The following GABRB1 variants were observed in gnomAD, a reference collection of about 807,000 sequenced individuals.
GABRB1 encodes the protein gamma-aminobutyric acid type A receptor subunit beta1, also known as gamma-aminobutyric acid receptor subunit beta-1.
A neutral mutation model predicts 51.6 loss-of-function variants in GABRB1; 17 were observed. The observed-to-expected ratio is 0.33, with a 90% CI of 0.23 to 0.49. The LOEUF is 0.49. Among genes scored for constraint, GABRB1 ranks in the 20% least tolerant of loss-of-function variants. GABRB1 has a pLI of 0.99. For missense variants in GABRB1, 410 were observed against 600.6 expected, an observed-to-expected ratio of 0.68 and a Z score of 3.32; for synonymous variants, 247 against 218.9, an observed-to-expected ratio of 1.13 and a Z score of -1.14.
chr4:47,167,953 T>C (rs1452985166), intron 4 of GABRB1, among the ~76,000 whole-genome samples: 2 of 152,164 alleles, frequency 1.3e-5, no homozygotes, highest in Non-Finnish European at 2.9e-5. Context: ...CAACACAAAA[T>C]GGACTAAGAT....
chr4:47,201,880 A>G (rs1442140658), intron 4 of GABRB1, among the ~76,000 whole-genome samples: 2 of 152,194 alleles, frequency 1.3e-5, no homozygotes, highest in African/African-American at 2.4e-5. Flanking sequence ...ATATAAGCAC[A>G]TGCTGCTTTG....
intron 1 of GABRB1, among the ~76,000 whole-genome samples, chr4:47,003,594 T>G (rs1284593811): frequency 1.3e-5 from 2 of 152,216 alleles, no homozygotes; most frequent in Non-Finnish European, 2.9e-5. Context: ...ACATTCAAGT[T>G]TCCCACTTCC....
At chr4:47,165,827 A>C (rs1253741686) in intron 4 of GABRB1, among the ~76,000 whole-genome samples, 1 of 152,076 alleles carries the variant, frequency 6.6e-6, no homozygotes, top group Non-Finnish European at 1.5e-5. Flanking sequence ...TGATTTTCTC[A>C]AAACTGGGCC....
intron 5 of GABRB1, among the ~76,000 whole-genome samples, chr4:47,342,277 A>T (rs992949616): frequency 1.3e-5 from 2 of 152,176 alleles, no homozygotes; most frequent in African/African-American, 4.8e-5. Flanking sequence ...AAAGGCAAGA[A>T]ATAAATAATT....
intron 1 of GABRB1, among the ~76,000 whole-genome samples, chr4:47,014,343 A>G (rs972625203): frequency 2.0e-5 from 3 of 152,120 alleles, no homozygotes; most frequent in Admixed American, 2.0e-4. Flanking sequence ...TGTCAATATA[A>G]ATTTTCAAAA....
intron 3 of GABRB1, among the ~76,000 whole-genome samples, chr4:47,054,080 G>T (rs1247126294): frequency 6.6e-5 from 10 of 151,204 alleles, no homozygotes; most frequent in Non-Finnish European, 8.8e-5. Flanking sequence ...CATTACCTGT[G>T]TAATATGATA....
intron 4 of GABRB1, among the ~76,000 whole-genome samples, chr4:47,198,999 TCCAATTACCTC>T (rs1328919899): frequency 6.6e-6 from 1 of 152,168 alleles, no homozygotes; most frequent in African/African-American, 2.4e-5. Flanking sequence ...ACCCCCATGA[TCCAATTACCTC>T]CCACCAGGCC....
chr4:47,064,657 A>G (rs1277830587), intron 3 of GABRB1, among the ~76,000 whole-genome samples: 7 of 151,654 alleles, frequency 4.6e-5, no homozygotes, highest in Middle Eastern at 6.8e-3. Context: ...AAAAAAAAAA[A>G]AAAAAAGAGA....
At chr4:47,371,143 TGTTCTCATC>T (rs1252754734) in intron 5 of GABRB1, among the ~76,000 whole-genome samples, 1 of 139,366 alleles carries the variant, frequency 7.2e-6, no homozygotes, top group Non-Finnish European at 1.5e-5. Context: ...TATGTCCATG[TGTTCTCATC>T]GTTCAGCTCC....
intron 4 of GABRB1, among the ~76,000 whole-genome samples, chr4:47,173,303 G>C (rs1425445457): frequency 6.6e-6 from 1 of 152,056 alleles, no homozygotes; most frequent in Non-Finnish European, 1.5e-5. Context: ...GGATTAATGA[G>C]CCCCTTAAGG....
intron 3 of GABRB1, among the ~76,000 whole-genome samples, chr4:47,110,525 G>C (rs1235990725): frequency 6.6e-6 from 1 of 152,078 alleles, no homozygotes; most frequent in African/African-American, 2.4e-5. Flanking sequence ...TAATCAAAAA[G>C]CTATTTTAAT....
rs547649161 is a variant in GABRB1, at chr4:47,364,622, TAAA to T, written c.545-38690_545-38688del. Among the ~76,000 whole-genome samples the T allele has an allele frequency of 6.9e-3, 1,028 of 149,604 alleles. 6 individuals carry two copies. The highest frequency in any genetic ancestry group is 0.012 in the Admixed American group (188 of 15,058). On this transcript the variant is annotated intron_variant, in intron 5 of 8. Coordinates refer to ENST00000295454, the MANE Select transcript of GABRB1 (RefSeq NM_000812.4). ...AAAGAAAAACTAAAACCAGTGAGACTAAAAAAAATTTAAACATGAAAGAAGGAT... is the reference window on the plus strand; with the variant it reads ...AAAGAAAAACTAAAACCAGTGAGACTAAAAATTTAAACATGAAAGAAGGAT...
At chr4:47,170,814 T>C (rs190151474) in intron 4 of GABRB1, among the ~76,000 whole-genome samples, 6 of 152,276 alleles carry the variant, frequency 3.9e-5, no homozygotes, top group Admixed American at 2.6e-4. Flanking sequence ...CTGGAGACTT[T>C]ACAATTCCCA....
intron 3 of GABRB1, among the ~76,000 whole-genome samples, chr4:47,077,533 A>G (rs1223996197): frequency 6.6e-6 from 1 of 152,092 alleles, no homozygotes; most frequent in Non-Finnish European, 1.5e-5. Flanking sequence ...AGAATGTACA[A>G]TCAGCAAGTT....
intron 3 of GABRB1, among the ~76,000 whole-genome samples, chr4:47,148,583 G>A (rs890348361): frequency 6.6e-6 from 1 of 151,960 alleles, no homozygotes; most frequent in Non-Finnish European, 1.5e-5. Context: ...AAATACTTTG[G>A]CAGACTTTTT....
intron 3 of GABRB1, among the ~76,000 whole-genome samples, chr4:47,150,753 T>C (rs1287442337): frequency 6.6e-6 from 1 of 151,236 alleles, no homozygotes; most frequent in Non-Finnish European, 1.5e-5. Flanking sequence ...GGAGGAGAGG[T>C]GATAAGCAAT....
Position 47,425,479 on chromosome 4 carries a change from A to ATGAT in GABRB1, c.1081-194_1081-191dup, listed in dbSNP as rs1424116720. Among the ~76,000 whole-genome samples, 238 of 78,170 alleles carry ATGAT rather than the reference A, an allele frequency of 3.0e-3. 1 individual carries two copies. The highest frequency in any genetic ancestry group is 0.01 in the African/African-American group (223 of 21,584). 51.3% of individuals were successfully genotyped at this position (78,170 alleles called of 152,430 possible). A position where few individuals can be genotyped will look rare whatever the true frequency, so the allele number is the denominator to read the frequency against. On this transcript the variant is annotated intron_variant, in intron 8 of 8. Transcript: ENST00000295454. ...AAGCTAGCAAGGTGGATGGATGATG[A>ATGAT]TGATAGATAGATAGATAGATAGATA...
At chr4:47,297,554 C>G (rs1724054972) in intron 4 of GABRB1, among the ~76,000 whole-genome samples, 1 of 152,120 alleles carries the variant, frequency 6.6e-6, no homozygotes, top group Non-Finnish European at 1.5e-5. Context: ...CAAGACTAAA[C>G]CAGGAAGAGG....
chr4:47,061,733 T>TG (rs1037533467), intron 3 of GABRB1, among the ~76,000 whole-genome samples: 4 of 152,230 alleles, frequency 2.6e-5, no homozygotes, highest in Non-Finnish European at 4.4e-5. Context: ...AATTCCTCTG[T>TG]GGGGGGTGGT....
Sources: allele counts gnomAD v4.1 joint callset (sites outside exome capture counted in the v4.1 genomes callset), GRCh38; gene constraint gnomAD v4.1.1; transcripts MANE v1.5; gene names NCBI Gene and HGNC (gene_info 2026-07-23, HGNC 2026-07-21).